Variants in ZNF318 observed in about 807,000 individuals in gnomAD.
ZNF318 encodes the protein endocrine regulator.
Under a neutral mutation model 124.2 loss-of-function variants are expected in ZNF318, and 51 were observed. The ratio of observed to expected loss-of-function variants is 0.41; its 90% confidence interval spans 0.33 to 0.52. The LOEUF (loss-of-function observed/expected upper bound fraction) is 0.52. Among genes scored for constraint, ZNF318 ranks in the 20% least tolerant of loss-of-function variants. The pLI, the probability that ZNF318 is intolerant of heterozygous loss-of-function variation, is 0.23. For synonymous variants in ZNF318, 1,090 were observed against 1,040.7 expected (o/e 1.05, Z -0.91); for missense variants, 2,815 against 2,811.2 (o/e 1.00, Z -0.03).
chr6:43,340,465 C>G lies in ZNF318; in HGVS notation c.3533G>C (p.Arg1178Pro). ...CAAGCCAGCTTGGCGGTCCAGATTC[C>G]GCCGCTCCTCATATAATGGGTTTTC... ...VDENPLYEER[R>P]NLDRQAGLAV... is the part of the protein sequence containing the mutation. Residue 1178 changes from arginine (R) to proline (P), a missense_variant, in exon 10 of 10, where the codon CGG becomes CCG. By Grantham distance (103) the Arg-to-Pro change is moderately radical (BLOSUM62 -2). Transcript: ENST00000361428. 1 of 1,610,704 alleles carries G rather than the reference C, an allele frequency of 6.2e-7. No homozygotes were observed. Among genetic ancestry groups the G allele is most frequent in the Non-Finnish European group, 8.5e-7 (1 of 1,179,060 alleles).
Position 43,352,514 on chromosome 6 carries a change from C to G in ZNF318, c.2671-38G>C, listed in dbSNP as rs74500715. The stretch of plus-strand genomic sequence containing the variant: ...AAGTGGTAAGAGAGTCCATCTCCTC[C>G]AACATTCTCTTTTCTATTTCTCTCT... On this transcript the variant is annotated intron_variant, in intron 4 of 9. Coordinates refer to ENST00000361428, the MANE Select transcript of ZNF318 (RefSeq NM_014345.3). The G allele has an allele frequency of 1.4e-3, 2,181 of 1,553,920 alleles. 21 individuals carry two copies. The African/African-American group carries it at 0.019, about 13-fold the overall frequency.
chr6:43,359,978 G>A (rs2150756233), intron 2 of ZNF318, among the ~76,000 whole-genome samples: 1 of 152,238 alleles, frequency 6.6e-6, no homozygotes, highest in South Asian at 2.1e-4. Flanking sequence ...TATTTCCAGA[G>A]AGGAATGTTC....
intron 6 of ZNF318, among the ~76,000 whole-genome samples, chr6:43,344,966 T>G (rs1450170438): frequency 1.3e-5 from 2 of 152,108 alleles, no homozygotes; most frequent in African/African-American, 4.8e-5. Flanking sequence ...TGGTCTCGGC[T>G]GGGCCCAGTG....
intron 6 of ZNF318, among the ~76,000 whole-genome samples, chr6:43,346,540 A>G (rs1421698774): frequency 6.6e-6 from 1 of 151,574 alleles, no homozygotes; most frequent in Non-Finnish European, 1.5e-5. Context: ...AAAAAAAAAA[A>G]AAAAAGCAGC....
At chr6:43,351,091 T>C (rs1779517173) in intron 5 of ZNF318, among the ~76,000 whole-genome samples, 1 of 152,204 alleles carries the variant, frequency 6.6e-6, no homozygotes, top group Non-Finnish European at 1.5e-5. Context: ...ATTTCTGTGA[T>C]AGTCTCGCCA....
chr6:43,350,367 G>C (rs976851401), intron 5 of ZNF318, among the ~76,000 whole-genome samples: 1 of 152,152 alleles, frequency 6.6e-6, no homozygotes, highest in African/African-American at 2.4e-5. Context: ...AACAATTTGA[G>C]CATGAAAATA....
At chr6:43,342,918 C>T (rs1292867209) in intron 6 of ZNF318, 39 bp from the exon 7 acceptor site, 5 of 1,537,960 alleles carry the variant, frequency 3.3e-6, no homozygotes, top group Non-Finnish European at 4.4e-6. Flanking sequence ...GAATTCAAGG[C>T]AATCTAGACT....
rs145876976 is a variant in ZNF318, at chr6:43,347,430, G to A, written c.3072+894C>T. 4.1e-3 allele frequency among the ~76,000 whole-genome samples: 622 copies of A among 152,294 alleles called. 8 individuals are homozygous for A. The highest frequency in any genetic ancestry group is 0.014 in the African/African-American group (593 of 41,542). On this transcript the variant is annotated intron_variant, in intron 6 of 9. Coordinates refer to ENST00000361428, the MANE Select transcript of ZNF318 (RefSeq NM_014345.3). ...TGGAATCGAGATTTACTTTGGAGAG[G>A]GACCTGACAGAATTTGTAATTGATT...
At position 43,357,568 on chromosome 6, in the gene ZNF318, C is replaced by T; in HGVS notation, c.746G>A (p.Gly249Glu). 6.2e-7 allele frequency: 1 copy of T among 1,614,048 alleles called. No individual in the cohort carries two copies. Among genetic ancestry groups the T allele is most frequent in the Non-Finnish European group, 8.5e-7 (1 of 1,180,014 alleles). ...HISCHDELLR[G>E]TERNREKLKG... ...GAGTTTTTCTCGATTCCGTTCTGTT[C>T]CCCGCAACAGCTCATCATGACAACT... The change falls in exon 3 of 10, where the codon GGA becomes GAA. Residue 249 changes from glycine to glutamate, a missense_variant. Around this residue, in one of 4 missense-constraint regions of ZNF318, gnomAD observed 1,377 missense variants for 1,353.5 expected, o/e 1.02. Coordinates refer to ENST00000361428, the MANE Select transcript of ZNF318 (RefSeq NM_014345.3).
rs1779584582 is a variant in ZNF318 at position 43,355,066 on chromosome 6, A to G, written c.2268T>C (p.Ala756=). 1.2e-6 allele frequency: 2 copies of G among 1,614,224 alleles called. No homozygotes were observed. Among genetic ancestry groups the G allele is most frequent in the Admixed American group, 3.3e-5 (2 of 60,030 alleles). Residue 756 remains alanine (A), a synonymous_variant, in exon 4 of 10, where the codon GCT becomes GCC. Coordinates refer to ENST00000361428, the MANE Select transcript of ZNF318 (RefSeq NM_014345.3). ...PSAPIRLPHT[A]ALSQFHMPRA... ...TTGGCATGTGAAACTGAGATAAAGC[A>G]GCAGTGTGTGGAAGTCTAATTGGGG...
In ZNF318 at chr6:43,357,640, C is replaced by T. The variant is rs764765777; in HGVS notation, c.674G>A (p.Arg225Gln). Residue 225 changes from arginine (R) to glutamine (Q), a missense_variant, in exon 3 of 10, where the codon CGA (arginine) becomes CAA (glutamine). Transcript: ENST00000361428. ...PFLGQLDEDY[R>Q]TKETFLHRSD... The stretch of plus-strand genomic sequence containing the variant: ...TCGATGCAGGAAAGTTTCTTTTGTT[C>T]GGTAGTCCTCATCAAGTTGTCCCAA... 19 of 1,613,950 alleles carry T rather than the reference C, an allele frequency of 1.2e-5. No individual in the cohort carries two copies. In the East Asian group the frequency reaches 2.0e-4, roughly 17 times the overall value.
rs757542646 is a variant in ZNF318 at position 43,340,312 on chromosome 6, AC to A, written c.3685del (p.Val1229SerfsTer5). On this transcript the variant is annotated frameshift_variant, in exon 10 of 10. Transcript: ENST00000361428. LOFTEE classifies it high-confidence loss of function. ...AVKEVKEDDK[V>X]SEKLEDQLSE... ...GAGTTGGTCTTCTAATTTCTCAGAGACCTTGTCATCCTCCTTTACTTCTTTC... is the reference window on the plus strand; with the variant it reads ...GAGTTGGTCTTCTAATTTCTCAGAGACTTGTCATCCTCCTTTACTTCTTTC... The A allele has an allele frequency of 6.2e-7, 1 of 1,613,872 alleles. No individual in the cohort carries two copies. Among genetic ancestry groups the A allele is most frequent in the African/African-American group, 1.3e-5 (1 of 74,888 alleles).
In ZNF318 at chr6:43,337,661, C is replaced by A. The variant is rs903930167; in HGVS notation, c.6337G>T (p.Val2113Phe). The change falls in exon 10 of 10, where the codon GTT (valine) becomes TTT (phenylalanine). Residue 2113 changes from valine to phenylalanine, a missense_variant. Coordinates refer to ENST00000361428, the MANE Select transcript of ZNF318 (RefSeq NM_014345.3). ...TCTAGGCCCCCCAAGCCACGGTCAA[C>A]ATTTTCTGTAAGTCCAGTTTTCAAA... ...NILKTGLTEN[V>F]DRGLGGLEGT... 4.3e-6 allele frequency: 7 copies of A among 1,614,000 alleles called. No homozygotes were observed. The highest frequency in any genetic ancestry group is 5.9e-6 in the Non-Finnish European group (7 of 1,180,018).
At position 43,339,375 on chromosome 6, in the gene ZNF318, G is replaced by C; in HGVS notation, c.4623C>G (p.Pro1541=). The change falls in exon 10 of 10, where the codon CCC becomes CCG. Residue 1541 remains proline (P), a synonymous_variant. Coordinates refer to ENST00000361428, the MANE Select transcript of ZNF318 (RefSeq NM_014345.3). The surrounding 1 kb of genome is among the most constrained non-coding windows in gnomAD (Gnocchi z 4.2). The stretch of plus-strand genomic sequence containing the variant: ...CTTGTTCACTGAACACACTTGAGAG[G>C]GGTGGTGGAGGACGTACTAACACAG... ...LFSVLVRPPP[P]LSSVFSEQAK... The C allele has an allele frequency of 6.2e-7, 1 of 1,614,158 alleles. No homozygotes were observed. Among genetic ancestry groups the C allele is most frequent in the Non-Finnish European group, 8.5e-7 (1 of 1,180,034 alleles).
intron 6 of ZNF318, among the ~76,000 whole-genome samples, chr6:43,344,182 T>C (rs1430812333): frequency 6.6e-6 from 1 of 152,198 alleles, no homozygotes; most frequent in Non-Finnish European, 1.5e-5. Context: ...CTGAGTCCTA[T>C]TCAAGAATCA....
At position 43,355,665 on chromosome 6, in the gene ZNF318, T is replaced by G; in HGVS notation, c.1669A>C (p.Ser557Arg). The change falls in exon 4 of 10, where the codon AGC becomes CGC. Residue 557 changes from serine (S) to arginine (R), a missense_variant. Ser to Arg is a moderately radical substitution (Grantham distance 110). Around this residue, in one of 4 missense-constraint regions of ZNF318, gnomAD observed 1,377 missense variants for 1,353.5 expected, o/e 1.02. Transcript: ENST00000361428. ...TGCCTCATAACTTCACTCTCAGAGC[T>G]CCCAAGGGGCTTTGGTACGGATTCT... ...KAESVPKPLG[S>R]SESEVMRQKA... is the part of the protein sequence containing the mutation. The G allele has an allele frequency of 6.2e-7, 1 of 1,614,174 alleles. No homozygotes were observed. Among genetic ancestry groups the G allele is most frequent in the Non-Finnish European group, 8.5e-7 (1 of 1,180,032 alleles).
At chr6:43,353,874 A>C (rs958270358) in intron 4 of ZNF318, among the ~76,000 whole-genome samples, 5 of 152,180 alleles carry the variant, frequency 3.3e-5, no homozygotes, top group African/African-American at 1.2e-4. Flanking sequence ...TAGAATTATT[A>C]TATCTTTACC....
chr6:43,352,686 GTTGT>G (rs150273497), intron 4 of ZNF318, among the ~76,000 whole-genome samples: 27,585 of 152,030 alleles, frequency 0.18, 3,334 homozygotes, highest in African/African-American at 0.34. Flanking sequence ...GTCCAGAAAG[GTTGT>G]TTGTTTGTTT....
At chr6:43,346,816 T>TG (rs1358396937) in intron 6 of ZNF318, among the ~76,000 whole-genome samples, 4 of 152,198 alleles carry the variant, frequency 2.6e-5, no homozygotes, top group African/African-American at 4.8e-5. Flanking sequence ...AATTGCATTT[T>TG]GAGGTGACGC....
Sources: allele counts gnomAD v4.1 joint callset (sites outside exome capture counted in the v4.1 genomes callset), GRCh38; gene constraint gnomAD v4.1.1; regional missense constraint gnomAD v4.1.1; non-coding constraint Gnocchi (gnomAD v3.1); transcripts MANE v1.5; gene names NCBI Gene and HGNC (gene_info 2026-07-23, HGNC 2026-07-21).